Variants in HIVEP3 observed in about 807,000 individuals in gnomAD.
HIVEP3 encodes transcription factor HIVEP3.
In HIVEP3, 49 loss-of-function variants were observed where a neutral mutation model predicts 152.8. The ratio of observed to expected loss-of-function variants is 0.32; its 90% CI spans 0.26 to 0.41. HIVEP3 has a LOEUF of 0.41. Among genes scored for constraint, HIVEP3 ranks in the 10% least tolerant of loss-of-function variants. The pLI is 1.00. For synonymous variants in HIVEP3, 1,269 were observed against 1,289.0 expected, an observed-to-expected ratio of 0.98 and a Z score of 0.33; for missense variants, 2,790 against 3,103.3, an observed-to-expected ratio of 0.90 and a Z score of 2.40.
At chr1:41,743,327 C>T (rs1017558387) in intron 1 of HIVEP3, among the ~76,000 whole-genome samples, 9 of 152,158 alleles carry the variant, frequency 5.9e-5, no homozygotes, top group Non-Finnish European at 1.3e-4. Flanking sequence ...AGCTTGCCAC[C>T]ACGTAAGCTT....
chr1:41,767,798 T>C (rs774094321), intron 1 of HIVEP3, among the ~76,000 whole-genome samples: 12 of 152,258 alleles, frequency 7.9e-5, no homozygotes, highest in Non-Finnish European at 1.3e-4. Flanking sequence ...GGCAGGGCTT[T>C]TGTTCATCTG....
At chr1:41,700,751 C>T (rs1646350117) in intron 2 of HIVEP3, among the ~76,000 whole-genome samples, 165 bp downstream of exon 2, 1 of 152,246 alleles carries the variant, frequency 6.6e-6, no homozygotes, top group Non-Finnish European at 1.5e-5. Flanking sequence ...GGACTCGTGA[C>T]ATTTGGGTGG....
intron 1 of HIVEP3, among the ~76,000 whole-genome samples, chr1:41,861,242 C>T (rs1643884528): frequency 6.6e-6 from 1 of 152,348 alleles, no homozygotes; most frequent in Non-Finnish European, 1.5e-5. Context: ...GATAAGTCCA[C>T]TTTAATTCCT....
intron 6 of HIVEP3, 84 bp from the exon 7 acceptor site, chr1:41,518,572 C>A (rs952622452): frequency 3.8e-6 from 5 of 1,300,196 alleles, no homozygotes; most frequent in African/African-American, 2.9e-5. Context: ...AGCACCTGGC[C>A]GGCAGGCCAT....
At chr1:42,029,213 G>A (rs1476981400) in intron 1 of HIVEP3, among the ~76,000 whole-genome samples, 1 of 152,092 alleles carries the variant, frequency 6.6e-6, no homozygotes, top group East Asian at 1.9e-4. Context: ...TTCATTAGTT[G>A]GAGTAACCGG....
intron 6 of HIVEP3, among the ~76,000 whole-genome samples, chr1:41,524,042 G>A (rs145130212): frequency 1.6e-4 from 24 of 152,326 alleles, no homozygotes; most frequent in Non-Finnish European, 2.8e-4. Context: ...GCCAGGCCAT[G>A]CCCATCACCC....
intron 1 of HIVEP3, among the ~76,000 whole-genome samples, chr1:41,773,121 C>T (rs541013453): frequency 2.6e-5 from 4 of 152,216 alleles, no homozygotes; most frequent in African/African-American, 9.7e-5. Flanking sequence ...ACCTACTGGT[C>T]AGCCAGATGC....
chr1:41,555,675 A>T lies in HIVEP3; in HGVS notation c.5207+19869T>A, dbSNP rs150965293. On this transcript the variant is annotated intron_variant, in intron 5 of 8. Transcript: ENST00000372583. ...AGTGTGCAGTTCAGTGGTATTAAGT[A>T]CATTCACATTGTTGTGCAACCATTA... Among the ~76,000 whole-genome samples, 32 of 152,350 alleles carry T rather than the reference A, an allele frequency of 2.1e-4. No homozygotes were observed. In the East Asian group the frequency reaches 6.2e-3, roughly 29 times the overall value.
chr1:41,564,338 G>C (rs1481169900), intron 5 of HIVEP3, among the ~76,000 whole-genome samples: 1 of 152,124 alleles, frequency 6.6e-6, no homozygotes, highest in African/African-American at 2.4e-5. Flanking sequence ...CAGATAGGAG[G>C]GCCAAGGCCT....
In HIVEP3 at chr1:41,930,054, T is replaced by C. The variant is rs187355463; in HGVS notation, n.120-11530A>G. Among the ~76,000 whole-genome samples, 278 of 152,222 alleles carry C rather than the reference T, an allele frequency of 1.8e-3. 2 individuals carry two copies. Among genetic ancestry groups the C allele is most frequent in the Non-Finnish European group, 2.8e-3 (192 of 68,022 alleles). ...CTTAGGTCAGCTCCCTTCTTCCTCA[T>C]CATCTTCAATGAATTTATGTTATAC... On this transcript the variant is annotated intron_variant and non_coding_transcript_variant, in intron 1 of 3. Coordinates refer to the HIVEP3 transcript ENST00000489103.
intron 1 of HIVEP3, among the ~76,000 whole-genome samples, chr1:41,792,058 G>T (rs1448456676): frequency 1.3e-5 from 2 of 152,002 alleles, no homozygotes; most frequent in Non-Finnish European, 2.9e-5. Flanking sequence ...CTCCCACTCC[G>T]TATGCCCCCA....
At position 42,023,408 on chromosome 1, in the gene HIVEP3, A is replaced by AT. The variant is rs969424787; in HGVS notation, n.119+12398dup. ...CTTATATTACCATTCAAAATCTTCC[A>AT]TTTTTTTGCTTTCATATTTAACTTT... On this transcript the variant is annotated intron_variant and non_coding_transcript_variant, in intron 1 of 3. Coordinates refer to the HIVEP3 transcript ENST00000489103. Among the ~76,000 whole-genome samples, 4 of 152,158 alleles carry AT rather than the reference A, an allele frequency of 2.6e-5. No individual in the cohort carries two copies. The East Asian group carries it at 7.7e-4, about 29-fold the overall frequency.
chr1:41,804,609 T>C (rs1363629931), intron 1 of HIVEP3, among the ~76,000 whole-genome samples: 1 of 152,202 alleles, frequency 6.6e-6, no homozygotes, highest in Non-Finnish European at 1.5e-5. Context: ...AGGGAAGGGA[T>C]TTAGATTTCC....
chr1:41,709,432 A>G (rs7544957), intron 1 of HIVEP3, among the ~76,000 whole-genome samples: 18,410 of 152,104 alleles, frequency 0.12, 3,703 homozygotes, highest in African/African-American at 0.42. Context: ...AGTGGGGCAG[A>G]CCTGTGGTGG....
chr1:41,906,657 C>G (rs1216495525), intron 1 of HIVEP3, among the ~76,000 whole-genome samples: 1 of 152,030 alleles, frequency 6.6e-6, no homozygotes, highest in African/African-American at 2.4e-5. Flanking sequence ...AAATTGTACA[C>G]TTCAAAAGGT....
intron 1 of HIVEP3, among the ~76,000 whole-genome samples, chr1:41,706,369 C>T (rs990714697): frequency 6.6e-6 from 1 of 152,132 alleles, no homozygotes; most frequent in African/African-American, 2.4e-5. Flanking sequence ...GCAACCTCTG[C>T]CTCCCAGGTT....
chr1:41,720,555 A>T (rs991571014), intron 1 of HIVEP3, among the ~76,000 whole-genome samples: 2 of 152,058 alleles, frequency 1.3e-5, no homozygotes, highest in Non-Finnish European at 2.9e-5. Context: ...TAATGTCAAG[A>T]GGCTCCTAAG....
chr1:41,797,568 C>T (rs893310132), intron 1 of HIVEP3, among the ~76,000 whole-genome samples: 4 of 152,028 alleles, frequency 2.6e-5, no homozygotes, highest in African/African-American at 9.7e-5. Context: ...ACTTCTAGAA[C>T]CAAGAAGGCA....
chr1:41,527,945 C>T (rs1432665501), intron 5 of HIVEP3, among the ~76,000 whole-genome samples: 2 of 146,970 alleles, frequency 1.4e-5, no homozygotes, highest in Non-Finnish European at 3.0e-5. Flanking sequence ...TGGTCACCCT[C>T]ACACATGCAC....
Sources: allele counts gnomAD v4.1 joint callset (sites outside exome capture counted in the v4.1 genomes callset), GRCh38; gene constraint gnomAD v4.1.1; transcripts MANE v1.5; gene names NCBI Gene and HGNC (gene_info 2026-07-23, HGNC 2026-07-21).